Variants in PDZD2 observed in about 807,000 individuals in gnomAD.
The protein encoded by PDZD2 is PDZ domain-containing protein 2.
A neutral mutation model predicts 220.7 loss-of-function variants in PDZD2; 90 were observed. The ratio of observed to expected loss-of-function variants is 0.41; its 90% CI spans 0.34 to 0.49. The LOEUF is 0.49. Among genes scored for constraint, PDZD2 ranks in the 20% least tolerant of loss-of-function variants. The pLI is 0.28. For synonymous variants in PDZD2, 1,375 were observed against 1,450.5 expected, an observed-to-expected ratio of 0.95 and a Z score of 1.18; for missense variants, 3,174 against 3,608.5, an observed-to-expected ratio of 0.88 and a Z score of 3.08.
intron 6 of PDZD2, among the ~76,000 whole-genome samples, chr5:32,024,154 T>A (rs1387591664): frequency 6.6e-6 from 1 of 152,250 alleles, no homozygotes; most frequent in Non-Finnish European, 1.5e-5. Context: ...CATACAGGGC[T>A]TCCTTTTGGT....
chr5:32,042,316 C>G (rs904524865), intron 7 of PDZD2, among the ~76,000 whole-genome samples: 2 of 150,540 alleles, frequency 1.3e-5, no homozygotes. Flanking sequence ...AATCCCAGCA[C>G]TTTGGGAGGC....
intron 1 of PDZD2, among the ~76,000 whole-genome samples, chr5:31,765,507 T>C (rs1199679333): frequency 6.6e-6 from 1 of 152,250 alleles, no homozygotes; most frequent in Non-Finnish European, 1.5e-5. Context: ...TCTCTCTCTC[T>C]TTCTGTCTTC....
chr5:31,753,148 TA>T (rs1252078023), intron 1 of PDZD2, among the ~76,000 whole-genome samples: 3 of 152,212 alleles, frequency 2.0e-5, no homozygotes, highest in Non-Finnish European at 2.9e-5. Context: ...ATAACATAAA[TA>T]AATGAAGTGA....
In PDZD2 at chr5:31,849,517, G is replaced by A. The variant is rs750116458; in HGVS notation, c.476+49793G>A. Among the ~76,000 whole-genome samples, 70 of 151,858 alleles carry A rather than the reference G, an allele frequency of 4.6e-4. 1 individual carries two copies. Among genetic ancestry groups the A allele is most frequent in the Non-Finnish European group, 7.5e-4 (51 of 67,988 alleles). On this transcript the variant is annotated intron_variant, in intron 2 of 24. Coordinates refer to ENST00000438447, the MANE Select transcript of PDZD2 (RefSeq NM_178140.4). ...ATTTAAACACATTAAAAAGCAATAC[G>A]TCCCGTACACAGAACAGGAGCGAAG...
chr5:31,648,299 T>A (rs926161330), intron 1 of PDZD2, among the ~76,000 whole-genome samples: 6 of 152,098 alleles, frequency 3.9e-5, no homozygotes, highest in Non-Finnish European at 7.4e-5. Context: ...AGTGGGGGCG[T>A]TATAGGGATC....
At chr5:31,749,873 C>T (rs759579903) in intron 1 of PDZD2, among the ~76,000 whole-genome samples, 7 of 152,320 alleles carry the variant, frequency 4.6e-5, no homozygotes, top group African/African-American at 1.2e-4. Context: ...TTCCCCTTCC[C>T]GGTGAGGCTC....
intron 1 of PDZD2, among the ~76,000 whole-genome samples, chr5:31,750,805 T>C (rs1750911818): frequency 6.6e-6 from 1 of 152,106 alleles, no homozygotes; most frequent in South Asian, 2.1e-4. Flanking sequence ...AAATACCTGA[T>C]TGACTGTGGC....
chr5:31,750,706 T>G (rs1750904940), intron 1 of PDZD2, among the ~76,000 whole-genome samples: 1 of 152,048 alleles, frequency 6.6e-6, no homozygotes, highest in Non-Finnish European at 1.5e-5. Context: ...GGGGCACTTT[T>G]CCTGTATTCA....
chr5:31,813,107 G>A (rs894448116), intron 2 of PDZD2, among the ~76,000 whole-genome samples: 4 of 152,108 alleles, frequency 2.6e-5, no homozygotes. Context: ...TGTGCCTTAC[G>A]GTAATACTTG....
intron 2 of PDZD2, among the ~76,000 whole-genome samples, chr5:31,898,630 T>C (rs906412859): frequency 6.6e-6 from 1 of 152,162 alleles, no homozygotes; most frequent in African/African-American, 2.4e-5. Context: ...CCCTGTCACA[T>C]GGCAAAGTGA....
chr5:31,737,231 G>C (rs1312056351), intron 1 of PDZD2, among the ~76,000 whole-genome samples: 1 of 143,250 alleles, frequency 7.0e-6, no homozygotes, highest in East Asian at 2.0e-4. Context: ...GGAGTGCAGT[G>C]GCGCCATCTC....
intron 14 of PDZD2, among the ~76,000 whole-genome samples, chr5:32,061,347 A>T (rs945481522): frequency 6.6e-6 from 1 of 152,216 alleles, no homozygotes; most frequent in African/African-American, 2.4e-5. Flanking sequence ...TAAATTTGAA[A>T]CTTGTCTGGT....
chr5:31,709,045 G>A (rs1049553469), intron 1 of PDZD2, among the ~76,000 whole-genome samples: 4 of 151,664 alleles, frequency 2.6e-5, no homozygotes, highest in East Asian at 2.0e-4. Flanking sequence ...GCACCACCAC[G>A]CCTGGCTAAT....
At chr5:31,818,699 C>T (rs1755624565) in intron 2 of PDZD2, among the ~76,000 whole-genome samples, 1 of 152,136 alleles carries the variant, frequency 6.6e-6, no homozygotes, top group African/African-American at 2.4e-5. Context: ...TCACTTAATT[C>T]CTCAGATACC....
At chr5:31,880,169 A>C (rs979272499) in intron 2 of PDZD2, among the ~76,000 whole-genome samples, 1 of 151,424 alleles carries the variant, frequency 6.6e-6, no homozygotes, top group African/African-American at 2.4e-5. Context: ...TGATCCACCC[A>C]CCTTGGCCTC....
At chr5:31,692,683 A>C (rs1201184295) in intron 1 of PDZD2, among the ~76,000 whole-genome samples, 1 of 152,222 alleles carries the variant, frequency 6.6e-6, no homozygotes, top group Non-Finnish European at 1.5e-5. Context: ...TTCCTAGGCC[A>C]GCTGAGGGAC....
At chr5:32,013,007 A>G (rs1363416634) in intron 6 of PDZD2, among the ~76,000 whole-genome samples, 2 of 152,090 alleles carry the variant, frequency 1.3e-5, no homozygotes, top group African/African-American at 4.8e-5. Flanking sequence ...ATAAATCACC[A>G]ACAATTCTGT....
At chr5:31,899,942 A>G (rs1272312862) in intron 2 of PDZD2, among the ~76,000 whole-genome samples, 3 of 152,236 alleles carry the variant, frequency 2.0e-5, no homozygotes, top group Non-Finnish European at 4.4e-5. Context: ...TCTGTTATTT[A>G]TAAGCCACCT....
intron 2 of PDZD2, among the ~76,000 whole-genome samples, chr5:31,803,972 G>A (rs956795702): frequency 1.3e-5 from 2 of 151,262 alleles, no homozygotes; most frequent in African/African-American, 2.4e-5. Context: ...CCAGGAGGTC[G>A]ATCGAGGCTG....
Sources: gnomAD v4.1 joint callset for allele counts (sites outside exome capture counted in the v4.1 genomes callset) on GRCh38, gnomAD v4.1.1 for gene constraint, MANE v1.5 for transcripts, NCBI Gene and HGNC (gene_info 2026-07-23, HGNC 2026-07-21) for gene names.